The following CCDC91 variants were observed in gnomAD, a reference collection of about 807,000 sequenced individuals.
CCDC91 encodes the protein coiled-coil domain containing 91, also known as coiled-coil domain-containing protein 91.
CCDC91 carries 48 observed loss-of-function variants against 63.2 expected under a neutral mutation model. The observed-to-expected ratio is 0.76, with a 90% CI of 0.60 to 0.97. The LOEUF (loss-of-function observed/expected upper bound fraction) is 0.97. CCDC91 is among the 50% of genes least tolerant of loss of function. CCDC91 has a pLI of 0.00. For synonymous variants in CCDC91, 167 were observed against 165.8 expected, an observed-to-expected ratio of 1.01 and a Z score of -0.06; for missense variants, 500 against 494.6, an observed-to-expected ratio of 1.01 and a Z score of -0.10.
At chr12:28,405,445 G>A (rs1344351588) in intron 8 of CCDC91, among the ~76,000 whole-genome samples, 1 of 152,114 alleles carries the variant, frequency 6.6e-6, no homozygotes, top group African/African-American at 2.4e-5. Flanking sequence ...AAAAGAAAAA[G>A]TTTTAATTCA....
At chr12:28,434,409 A>G (rs1476005790) in intron 8 of CCDC91, among the ~76,000 whole-genome samples, 2 of 151,466 alleles carry the variant, frequency 1.3e-5, no homozygotes, top group Non-Finnish European at 3.0e-5. Context: ...GTGATTGATT[A>G]CATTAGTTGA....
At chr12:28,200,731 C>T (rs924591661) in intron 1 of CCDC91, among the ~76,000 whole-genome samples, 14 of 151,682 alleles carry the variant, frequency 9.2e-5, no homozygotes, top group Non-Finnish European at 1.5e-4. Context: ...ACCTTTCCCC[C>T]CTTTCTATTC....
chr12:28,434,525 T>C (rs2140126183), intron 8 of CCDC91, among the ~76,000 whole-genome samples: 1 of 151,164 alleles, frequency 6.6e-6, no homozygotes, highest in South Asian at 2.1e-4. Context: ...ATCCAATTAA[T>C]TTGCTAATTT....
chr12:28,405,413 T>C (rs959851164), intron 8 of CCDC91, among the ~76,000 whole-genome samples: 1 of 152,144 alleles, frequency 6.6e-6, no homozygotes, highest in Non-Finnish European at 1.5e-5. Flanking sequence ...AAAGAAACCA[T>C]TATATGTTGC....
At chr12:28,377,933 G>A (rs1449791138) in intron 7 of CCDC91, among the ~76,000 whole-genome samples, 7 of 151,998 alleles carry the variant, frequency 4.6e-5, no homozygotes. Flanking sequence ...ATCTTAATGA[G>A]AAAGTAAGGA....
intron 3 of CCDC91, among the ~76,000 whole-genome samples, chr12:28,267,274 A>G (rs1052169724): frequency 2.6e-5 from 4 of 151,822 alleles, no homozygotes; most frequent in Non-Finnish European, 4.4e-5. Context: ...TATTATATAT[A>G]CATAGTAATA....
At chr12:28,490,924 C>A (rs1228568611) in intron 12 of CCDC91, among the ~76,000 whole-genome samples, 2 of 69,124 alleles carry the variant, frequency 2.9e-5, no homozygotes, top group Non-Finnish European at 6.9e-5. Context: ...TTTGTCATTT[C>A]CATTTCAACT....
rs141403964 is a variant in CCDC91 at position 28,214,716 on chromosome 12, G to A, written c.-15+24075G>A. 9.1e-3 allele frequency among the ~76,000 whole-genome samples: 1,379 copies of A among 152,210 alleles called. 55 individuals are homozygous for A. Among genetic ancestry groups the A allele is most frequent in the Admixed American group, 0.07 (1,073 of 15,270 alleles). On this transcript the variant is annotated intron_variant, in intron 1 of 12. Transcript: ENST00000536442. ...AGTGTTTAAATTACAGGATATCAAGGGAAATAGAAATGTCATTCAAAATCT... is the reference window on the plus strand; with the variant it reads ...AGTGTTTAAATTACAGGATATCAAGAGAAATAGAAATGTCATTCAAAATCT...
chr12:28,453,033 G>A (rs761354116), intron 11 of CCDC91, among the ~76,000 whole-genome samples: 2 of 151,728 alleles, frequency 1.3e-5, no homozygotes, highest in Non-Finnish European at 3.0e-5. Flanking sequence ...TAATATATTT[G>A]TGTAGAAAAC....
intron 12 of CCDC91, chr12:28,505,629 A>G (rs936522984): frequency 6.6e-6 from 1 of 152,082 alleles, no homozygotes; most frequent in Non-Finnish European, 1.5e-5. Context: ...TGATGCCAGG[A>G]ATTGCAGATT....
At chr12:28,226,931 C>A (rs1464592199) in intron 1 of CCDC91, among the ~76,000 whole-genome samples, 12 of 152,074 alleles carry the variant, frequency 7.9e-5, no homozygotes, top group Non-Finnish European at 7.4e-5. Context: ...ATGACCTTGA[C>A]AGTTTTGAGG....
At chr12:28,393,446 A>G (rs1946080112) in intron 8 of CCDC91, among the ~76,000 whole-genome samples, 1 of 149,430 alleles carries the variant, frequency 6.7e-6, no homozygotes, top group African/African-American at 2.5e-5. Context: ...TAATATGTTT[A>G]TATGCTTTGA....
At chr12:28,261,740 TTA>T (rs1364746438) in intron 3 of CCDC91, among the ~76,000 whole-genome samples, 14 of 151,996 alleles carry the variant, frequency 9.2e-5, no homozygotes, top group Admixed American at 6.6e-5. Context: ...GGAGTGAATA[TTA>T]TATGTCACAT....
At chr12:28,276,562 G>C (rs1194664632) in intron 3 of CCDC91, among the ~76,000 whole-genome samples, 1 of 151,878 alleles carries the variant, frequency 6.6e-6, no homozygotes. Flanking sequence ...AATTGATAAA[G>C]ATCTTGGCTG....
At chr12:28,278,386 A>C (rs1405565286) in intron 3 of CCDC91, among the ~76,000 whole-genome samples, 1 of 151,984 alleles carries the variant, frequency 6.6e-6, no homozygotes, top group Non-Finnish European at 1.5e-5. Flanking sequence ...TTAATTGAAG[A>C]TATCCAGATT....
intron 6 of CCDC91, among the ~76,000 whole-genome samples, chr12:28,343,450 C>G (rs540070437): frequency 6.6e-6 from 1 of 151,824 alleles, no homozygotes; most frequent in Non-Finnish European, 1.5e-5. Context: ...TTTTCCTTAC[C>G]AACTCAAGGA....
intron 1 of CCDC91, among the ~76,000 whole-genome samples, chr12:28,201,198 G>A (rs2121476061): frequency 6.6e-6 from 1 of 151,268 alleles, no homozygotes; most frequent in East Asian, 2.0e-4. Flanking sequence ...CAGACGGGGT[G>A]ACTGCTGGGC....
chr12:28,202,148 G>T (rs1162857425), intron 1 of CCDC91, among the ~76,000 whole-genome samples: 2 of 152,068 alleles, frequency 1.3e-5, no homozygotes. Flanking sequence ...TCTATTTGGT[G>T]AGATATTGTT....
At position 28,239,135 on chromosome 12, in the gene CCDC91, AT is replaced by A. The variant is rs1175289124; in HGVS notation, c.-14-18066del. On this transcript the variant is annotated intron_variant, in intron 1 of 12. Coordinates refer to ENST00000536442, the MANE Select transcript of CCDC91 (RefSeq NM_018318.5). Reference sequence around the variant, plus strand: ...ACTCTGTCTCGGAAAAAAAAAAAAAATATATGTGGCATCTTAAATTAAAAAA... The same window carrying A: ...ACTCTGTCTCGGAAAAAAAAAAAAAAATATGTGGCATCTTAAATTAAAAAA... Among the ~76,000 whole-genome samples the A allele has an allele frequency of 1.9e-4, 28 of 148,150 alleles. 1 individual carries two copies. In the South Asian group the frequency reaches 4.8e-3, roughly 26 times the overall value.
Sources: allele counts gnomAD v4.1 joint callset (sites outside exome capture counted in the v4.1 genomes callset), GRCh38; gene constraint gnomAD v4.1.1; transcripts MANE v1.5; gene names NCBI Gene and HGNC (gene_info 2026-07-23, HGNC 2026-07-21).